CCDC178: variants seen among roughly 807,000 people sequenced by gnomAD.
The protein encoded by CCDC178 is coiled-coil domain-containing protein 178.
A neutral mutation model predicts 117.4 loss-of-function variants in CCDC178; 126 were observed. That is an observed-to-expected ratio of 1.07 (90% CI 0.93 to 1.24). The LOEUF is 1.24. CCDC178 is among the 50% of genes most tolerant of loss of function. The pLI, the probability that CCDC178 is intolerant of heterozygous loss-of-function variation, is 0.00. For synonymous variants in CCDC178, 283 were observed against 313.4 expected (o/e 0.90, Z 1.02); for missense variants, 1,030 against 986.9 (o/e 1.04, Z -0.59).
Position 33,389,570 on chromosome 18 carries a change from A to G in CCDC178, c.178T>C (p.Phe60Leu). ...GTATTTGTCATTTTACTTTCATGAA[A>G]ACCTTCACTGTTCTCCTTAGAGGCT... Reference protein sequence around the residue: ...YGASKENSEGFHESKMTNTEG... With the variant: ...YGASKENSEGLHESKMTNTEG... Residue 60 changes from phenylalanine (F) to leucine (L), a missense_variant, in exon 5 of 23, where the codon TTT (phenylalanine) becomes CTT (leucine). Coordinates refer to ENST00000383096, the MANE Select transcript of CCDC178 (RefSeq NM_001105528.4). The G allele has an allele frequency of 3.3e-6, 5 of 1,522,542 alleles. No homozygotes were observed. The highest frequency in any genetic ancestry group is 4.4e-6 in the Non-Finnish European group (5 of 1,136,172). 94.3% of individuals were successfully genotyped at this position (1,522,542 alleles called of 1,614,324 possible).
intron 14 of CCDC178, among the ~76,000 whole-genome samples, chr18:33,251,766 T>A (rs1266481744): frequency 6.6e-6 from 1 of 151,662 alleles, no homozygotes. Context: ...TGCCCCCATA[T>A]ACTATAACCT....
chr18:32,939,583 G>C (rs1167327630), intron 22 of CCDC178, among the ~76,000 whole-genome samples: 2 of 152,122 alleles, frequency 1.3e-5, no homozygotes, highest in Non-Finnish European at 2.9e-5. Context: ...CCATGTTTTA[G>C]TATTTGTAAG....
intron 20 of CCDC178, among the ~76,000 whole-genome samples, chr18:33,115,661 TC>T (rs1292473857): frequency 4.0e-5 from 6 of 151,852 alleles, no homozygotes; most frequent in Non-Finnish European, 7.4e-5. Context: ...ATACTTCACC[TC>T]CCCCGCCGCC....
At chr18:33,371,136 T>C (rs1050288764) in intron 5 of CCDC178, among the ~76,000 whole-genome samples, 2 of 152,044 alleles carry the variant, frequency 1.3e-5, no homozygotes, top group African/African-American at 4.8e-5. Context: ...TCATTTAAAC[T>C]GCAATCTTTT....
At chr18:33,008,387 T>C (rs1034659818) in intron 21 of CCDC178, among the ~76,000 whole-genome samples, 1 of 152,112 alleles carries the variant, frequency 6.6e-6, no homozygotes, top group Admixed American at 6.6e-5. Context: ...CTCTTGTTAC[T>C]GTGTATGTTT....
At chr18:33,283,363 T>C (rs977704144) in intron 12 of CCDC178, among the ~76,000 whole-genome samples, 3 of 151,800 alleles carry the variant, frequency 2.0e-5, no homozygotes, top group African/African-American at 7.3e-5. Flanking sequence ...AAAGACTGAG[T>C]GCCTTCTTTG....
At chr18:33,174,663 C>T (rs546226440) in intron 20 of CCDC178, among the ~76,000 whole-genome samples, 55 of 152,142 alleles carry the variant, frequency 3.6e-4, no homozygotes, top group African/African-American at 6.0e-4. Context: ...TAAATGTCAA[C>T]GCCATTCCAT....
At chr18:33,354,157 C>T (rs775046760) in intron 7 of CCDC178, among the ~76,000 whole-genome samples, 4 of 152,146 alleles carry the variant, frequency 2.6e-5, no homozygotes, top group East Asian at 1.9e-4. Flanking sequence ...CACTGTTAAT[C>T]GTACTGAGGG....
chr18:33,092,050 G>T (rs1598874258), intron 21 of CCDC178, among the ~76,000 whole-genome samples: 1 of 152,018 alleles, frequency 6.6e-6, no homozygotes, highest in Admixed American at 6.5e-5. Context: ...GGATCAATTT[G>T]GTTTTCATGG....
At chr18:33,081,762 T>A (rs1011075126) in intron 21 of CCDC178, among the ~76,000 whole-genome samples, 1 of 152,172 alleles carries the variant, frequency 6.6e-6, no homozygotes. Context: ...CTCACAAAAT[T>A]CTAAACACTA....
At chr18:33,126,976 T>C (rs376698230) in intron 20 of CCDC178, among the ~76,000 whole-genome samples, 2 of 144,898 alleles carry the variant, frequency 1.4e-5, no homozygotes, top group East Asian at 2.0e-4. Flanking sequence ...ATTTTTTATC[T>C]GCATTTGGTT....
intron 20 of CCDC178, among the ~76,000 whole-genome samples, chr18:33,174,604 G>T (rs2144441529): frequency 6.6e-6 from 1 of 152,208 alleles, no homozygotes; most frequent in Non-Finnish European, 1.5e-5. Flanking sequence ...CCCCAGCATA[G>T]AAACCACCTG....
chr18:33,427,384 AAT>A (rs1343048647), intron 2 of CCDC178, among the ~76,000 whole-genome samples: 2 of 152,136 alleles, frequency 1.3e-5, no homozygotes, highest in African/African-American at 2.4e-5. Flanking sequence ...ATTGTACAAT[AAT>A]AGACTAGATT....
intron 20 of CCDC178, among the ~76,000 whole-genome samples, chr18:33,178,598 A>G (rs2058691271): frequency 6.6e-6 from 1 of 152,060 alleles, no homozygotes; most frequent in African/African-American, 2.4e-5. Flanking sequence ...TGCCATTTGC[A>G]GCTCCGTACA....
chr18:33,261,657 T>C (rs72951039), intron 14 of CCDC178, among the ~76,000 whole-genome samples: 10,247 of 152,220 alleles, frequency 0.067, 514 homozygotes, highest in African/African-American at 0.14. Context: ...GGTTATATAA[T>C]CTTTTTCACA....
intron 5 of CCDC178, among the ~76,000 whole-genome samples, chr18:33,371,224 T>C (rs1271092006): frequency 1.3e-5 from 2 of 151,992 alleles, no homozygotes; most frequent in Admixed American, 1.3e-4. Context: ...GTTTCATTTA[T>C]AAATAAAAGT....
intron 3 of CCDC178, among the ~76,000 whole-genome samples, chr18:33,399,269 C>G (rs753420139): frequency 9.9e-5 from 15 of 151,818 alleles, no homozygotes; most frequent in Non-Finnish European, 1.6e-4. Flanking sequence ...GATGGAGGGT[C>G]TTGCCTCAAT....
intron 22 of CCDC178, among the ~76,000 whole-genome samples, chr18:32,953,348 T>C (rs908300797): frequency 6.6e-6 from 1 of 152,198 alleles, no homozygotes; most frequent in African/African-American, 2.4e-5. Context: ...AACAAGTCTC[T>C]AGGAATTTCC....
chr18:33,327,581 C>T (rs965021869), intron 10 of CCDC178, among the ~76,000 whole-genome samples: 1 of 152,148 alleles, frequency 6.6e-6, no homozygotes, highest in African/African-American at 2.4e-5. Flanking sequence ...CAGCAAATTA[C>T]AATGGTTCCA....
Sources: allele counts gnomAD v4.1 joint callset (sites outside exome capture counted in the v4.1 genomes callset), GRCh38; gene constraint gnomAD v4.1.1; transcripts MANE v1.5; gene names NCBI Gene and HGNC (gene_info 2026-07-23, HGNC 2026-07-21).